Variants in PARP2 observed in about 807,000 individuals in gnomAD.
The protein encoded by PARP2 is poly [ADP-ribose] polymerase 2.
In PARP2, 57 loss-of-function variants were observed where a neutral mutation model predicts 77.8. That is an observed-to-expected ratio of 0.73 (90% CI 0.59 to 0.91). PARP2 has a LOEUF of 0.91. PARP2 is among the 40% of genes least tolerant of loss of function. PARP2 has a pLI of 0.00. For missense variants in PARP2, 651 were observed against 689.0 expected (o/e 0.94, Z 0.62); for synonymous variants, 226 against 242.6 (o/e 0.93, Z 0.64).
intron 4 of PARP2, among the ~76,000 whole-genome samples, chr14:20,348,103 G>A (rs1484464567): frequency 6.6e-6 from 1 of 151,952 alleles, no homozygotes; most frequent in Non-Finnish European, 1.5e-5. Flanking sequence ...TGAATTCTTG[G>A]CCTCAAATGA....
At chr14:20,353,640 C>T (rs1006553907) in intron 7 of PARP2, among the ~76,000 whole-genome samples, 2 of 151,998 alleles carry the variant, frequency 1.3e-5, no homozygotes, top group Admixed American at 1.3e-4. Flanking sequence ...GGATATATAC[C>T]ACCATAAAAA....
chr14:20,345,375 CCTAT>C lies in PARP2; in HGVS notation c.203-16_203-13del, dbSNP rs1883676852. 1.2e-6 allele frequency: 2 copies of C among 1,600,214 alleles called. No individual in the cohort carries two copies. The highest frequency in any genetic ancestry group is 1.7e-6 in the Non-Finnish European group (2 of 1,168,110). On this transcript the variant is annotated splice_polypyrimidine_tract_variant and intron_variant, in intron 2 of 15. Transcript: ENST00000429687. ...TGTTTTTGATTCCCATAAAGTAGTA[CCTAT>C]CTGTCTTTCCTCAGAATCTGTGAAG...
At chr14:20,352,686 T>C in intron 7 of PARP2, 1 of 190,432 alleles carries the variant, frequency 5.3e-6, no homozygotes, top group South Asian at 1.2e-4. Flanking sequence ...CCACACCTAC[T>C]CCTGTTTCTT....
At position 20,348,302 on chromosome 14, in the gene PARP2, T is replaced by C. The variant is rs145019908; in HGVS notation, c.324+1389T>C. On this transcript the variant is annotated intron_variant, in intron 4 of 15. Coordinates refer to ENST00000429687, the MANE Select transcript of PARP2 (RefSeq NM_001042618.2). The stretch of plus-strand genomic sequence containing the variant: ...TTTTCCAGATTTGTCATTTACCTTT[T>C]GGTTTTCCTTATAGTACACTTTTTG... Among the ~76,000 whole-genome samples, 900 of 152,330 alleles carry C rather than the reference T, an allele frequency of 5.9e-3. 26 individuals are homozygous for C. Among genetic ancestry groups the C allele is most frequent in the Admixed American group, 0.049 (751 of 15,298 alleles).
intron 4 of PARP2, among the ~76,000 whole-genome samples, chr14:20,347,383 T>TAC (rs1883791892): frequency 4.7e-5 from 1 of 21,176 alleles, no homozygotes; most frequent in Non-Finnish European, 1.0e-4. Flanking sequence ...TATATATATA[T>TAC]ATATATATAT....
intron 2 of PARP2, 37 bp from the exon 3 acceptor site, chr14:20,345,357 G>C (rs1036189612): frequency 7.1e-6 from 11 of 1,552,538 alleles, no homozygotes; most frequent in Non-Finnish European, 9.7e-6. Context: ...AGCTGTTTTT[G>C]ATTCCCATAA....
Position 20,357,089 on chromosome 14 carries a change from G to C in PARP2, c.1368G>C (p.Lys456Asn), listed in dbSNP as rs1884182863. ...TCTACTTTGCTGACATGTCTTCCAA[G>C]AGTGCCAATTACTGCTTTGCCTCTC... is the stretch of plus-strand genomic sequence containing the variant. The part of the protein sequence containing the change: ...KGIYFADMSS[K>N]SANYCFASRL... Residue 456 changes from lysine (K) to asparagine (N), a missense_variant, in exon 14 of 16, where the codon AAG (lysine) becomes AAC (asparagine). Coordinates refer to ENST00000429687, the MANE Select transcript of PARP2 (RefSeq NM_001042618.2). The C allele has an allele frequency of 6.2e-7, 1 of 1,613,332 alleles. No homozygotes were observed. The highest frequency in any genetic ancestry group is 8.5e-7 in the Non-Finnish European group (1 of 1,179,274).
chr14:20,346,717 A>G (rs1400879043), intron 3 of PARP2, 146 bp from the exon 4 acceptor site: 1 of 626,288 alleles, frequency 1.6e-6, no homozygotes, highest in Admixed American at 2.3e-5. Flanking sequence ...CTGGTAGAAC[A>G]TAGGTTTGCA....
chr14:20,350,076 G>T (rs554596623), intron 4 of PARP2, among the ~76,000 whole-genome samples: 1 of 152,212 alleles, frequency 6.6e-6, no homozygotes, highest in African/African-American at 2.4e-5. Flanking sequence ...ACAAACAAAA[G>T]CTGTGAGTAG....
intron 13 of PARP2, 50 bp from the exon 14 acceptor site, chr14:20,357,001 C>T: frequency 1.7e-6 from 2 of 1,176,538 alleles, no homozygotes; most frequent in East Asian, 4.7e-5. Flanking sequence ...CACCTTCTCT[C>T]TAACACAGTG....
Position 20,345,471 on chromosome 14 carries a change from G to C in PARP2, c.273+7G>C. ...TACAGCCAAGGTGGGGAAGGTAAGA[G>C]ACTCTGGAACCGATCTTCAGTCCAT... On this transcript the variant is annotated splice_region_variant and intron_variant, in intron 3 of 15. Coordinates refer to ENST00000429687, the MANE Select transcript of PARP2 (RefSeq NM_001042618.2). 1 of 1,609,878 alleles carries C rather than the reference G, an allele frequency of 6.2e-7. No individual in the cohort carries two copies. Among genetic ancestry groups the C allele is most frequent in the Non-Finnish European group, 8.5e-7 (1 of 1,176,230 alleles).
chr14:20,349,462 G>A (rs903328049), intron 4 of PARP2, among the ~76,000 whole-genome samples: 1 of 151,984 alleles, frequency 6.6e-6, no homozygotes, highest in Non-Finnish European at 1.5e-5. Flanking sequence ...TTGAGTTAGG[G>A]GTTCAAGACC....
intron 9 of PARP2, 136 bp downstream of exon 9, chr14:20,355,083 A>G (rs1884096465): frequency 2.6e-6 from 2 of 767,800 alleles, no homozygotes; most frequent in East Asian, 5.2e-5. Flanking sequence ...AAACAAAATG[A>G]TATATAGGTA....
chr14:20,346,937 C>T, intron 4 of PARP2, 24 bp downstream of exon 4: 2 of 1,503,342 alleles, frequency 1.3e-6, no homozygotes, highest in East Asian at 2.3e-5. Context: ...AGAGGTGGCA[C>T]CATTATATTT....
chr14:20,347,239 A>C (rs1883759724), intron 4 of PARP2, among the ~76,000 whole-genome samples: 1 of 146,804 alleles, frequency 6.8e-6, no homozygotes, highest in Non-Finnish European at 1.5e-5. Flanking sequence ...CACGTTAGCC[A>C]GGGTCTGGTC....
chr14:20,345,608 C>T, intron 3 of PARP2, 144 bp downstream of exon 3: 1 of 626,080 alleles, frequency 1.6e-6, no homozygotes, highest in Non-Finnish European at 2.8e-6. Context: ...TCTCTAATGG[C>T]AAGAGATAGG....
Position 20,343,687 on chromosome 14 carries a change from G to A in PARP2, c.46G>A (p.Ala16Thr), listed in dbSNP as rs1349582575. 2 of 1,609,614 alleles carry A rather than the reference G, an allele frequency of 1.2e-6. No homozygotes were observed. The highest frequency in any genetic ancestry group is 4.5e-5 in the East Asian group (2 of 44,618). The change falls in exon 1 of 16, where the codon GCA becomes ACA. Residue 16 changes from alanine (A) to threonine (T), a missense_variant and splice_region_variant. Ala to Thr is a moderately conservative substitution (Grantham distance 58). Coordinates refer to ENST00000429687, the MANE Select transcript of PARP2 (RefSeq NM_001042618.2). Reference sequence around the variant, plus strand: ...GAGCACCGGCGGCGGCAGGGCGAGAGGTTCGGAGCTCAATATCGCGGGACG... The same window carrying A: ...GAGCACCGGCGGCGGCAGGGCGAGAAGTTCGGAGCTCAATATCGCGGGACG... ...RRSTGGGRAR[A>T]LNESKRVNNG...
intron 8 of PARP2, among the ~76,000 whole-genome samples, chr14:20,354,454 TG>T (rs886572760): frequency 6.6e-6 from 1 of 152,210 alleles, no homozygotes; most frequent in African/African-American, 2.4e-5. Context: ...CCCAACACTT[TG>T]GGAGGCCAAG....
chr14:20,350,649 A>G (rs760250225), intron 5 of PARP2, 27 bp downstream of exon 5: 1 of 1,448,314 alleles, frequency 6.9e-7, no homozygotes, highest in Non-Finnish European at 9.7e-7. Context: ...AGATTTTATG[A>G]GTTGGCATTC....
Sources: allele counts gnomAD v4.1 joint callset (sites outside exome capture counted in the v4.1 genomes callset), GRCh38; gene constraint gnomAD v4.1.1; transcripts MANE v1.5; gene names NCBI Gene and HGNC (gene_info 2026-07-23, HGNC 2026-07-21).